The following GATA6 variants were observed in gnomAD, a reference collection of about 807,000 sequenced individuals.
GATA6 encodes transcription factor GATA-6.
In GATA6, 11 loss-of-function variants were observed where a neutral mutation model predicts 48.1. The observed-to-expected ratio is 0.23, with a 90% confidence interval of 0.14 to 0.38. The LOEUF (loss-of-function observed/expected upper bound fraction) is 0.38, where lower values mean the gene tolerates loss of function less well. Among genes scored for constraint, GATA6 ranks in the 10% least tolerant of loss-of-function variants. GATA6 has a pLI of 1.00. For missense variants in GATA6, 795 were observed against 850.3 expected, an observed-to-expected ratio of 0.93 and a Z score of 0.81; for synonymous variants, 419 against 396.1, an observed-to-expected ratio of 1.06 and a Z score of -0.69.
chr18:22,173,630 GTCT>G (rs1218287539), intron 2 of GATA6, among the ~76,000 whole-genome samples: 1 of 152,180 alleles, frequency 6.6e-6, no homozygotes, highest in Non-Finnish European at 1.5e-5. Context: ...AGTTCTTTCT[GTCT>G]TCTTCCAAGC....
rs1027770450 is a variant in GATA6 at position 22,200,778 on chromosome 18, G to A, written c.1743G>A (p.Thr581=). 3.7e-6 allele frequency: 6 copies of A among 1,613,404 alleles called. No individual in the cohort carries two copies. The highest frequency in any genetic ancestry group is 1.3e-5 in the African/African-American group (1 of 74,918). ...GVSLASPAEV[T]SSVRPDSWCA... is the part of the protein sequence containing the mutation. ...GTCTCGCCTCGCCGGCCGAAGTCACGTCCTCCGTGCGACCGGATTCCTGGT... is the reference window on the plus strand; with the variant it reads ...GTCTCGCCTCGCCGGCCGAAGTCACATCCTCCGTGCGACCGGATTCCTGGT... Residue 581 remains threonine, a synonymous_variant, in exon 7 of 7, where the codon ACG becomes ACA. Coordinates refer to ENST00000269216, the MANE Select transcript of GATA6 (RefSeq NM_005257.6).
chr18:22,171,560 T>G lies in GATA6; in HGVS notation c.416T>G (p.Phe139Cys), dbSNP rs1000756323. ...AGCCGCGGCGCCAAGCTGAGCCCCTTCGCACCCGAGCAGCCGGAGGAGATG... is the reference window on the plus strand; with the variant it reads ...AGCCGCGGCGCCAAGCTGAGCCCCTGCGCACCCGAGCAGCCGGAGGAGATG... ...WSSRGAKLSP[F>C]APEQPEEMYQ... Residue 139 changes from phenylalanine (F) to cysteine (C), a missense_variant, in exon 2 of 7, where the codon TTC becomes TGC. Physicochemically the swap from Phe to Cys is radical, Grantham distance 205. Coordinates refer to ENST00000269216, the MANE Select transcript of GATA6 (RefSeq NM_005257.6). The surrounding 1 kb of genome is among the most constrained non-coding windows in gnomAD (Gnocchi z 7.1). The G allele has an allele frequency of 1.2e-6, 2 of 1,603,604 alleles. No homozygotes were observed. The highest frequency in any genetic ancestry group is 1.7e-5 in the Admixed American group (1 of 59,950).
chr18:22,175,877 A>C (rs1471278868), intron 2 of GATA6, among the ~76,000 whole-genome samples: 1 of 152,196 alleles, frequency 6.6e-6, no homozygotes, highest in Admixed American at 6.5e-5. Flanking sequence ...ATAATGCAGA[A>C]CTAGGACATT....
intron 6 of GATA6, among the ~76,000 whole-genome samples, chr18:22,186,989 G>T (rs749588960): frequency 2.6e-5 from 4 of 152,180 alleles, no homozygotes; most frequent in South Asian, 2.1e-4. Flanking sequence ...AGGACTCACG[G>T]TCATACAGCC....
chr18:22,195,353 T>C (rs1031346920), intron 6 of GATA6, among the ~76,000 whole-genome samples: 2 of 152,078 alleles, frequency 1.3e-5, no homozygotes, highest in Non-Finnish European at 2.9e-5. Flanking sequence ...CGACTCTGGT[T>C]CCCTCCTATT....
intron 3 of GATA6, among the ~76,000 whole-genome samples, chr18:22,178,661 G>T (rs2033156825): frequency 1.3e-5 from 2 of 152,168 alleles, no homozygotes; most frequent in African/African-American, 2.4e-5. Flanking sequence ...TAAAGTGGCC[G>T]AGGTTAATTT....
intron 6 of GATA6, among the ~76,000 whole-genome samples, chr18:22,197,568 C>G (rs570618649): frequency 2.6e-5 from 4 of 152,264 alleles, no homozygotes; most frequent in African/African-American, 9.6e-5. Context: ...GCCCTGCCTC[C>G]CATTTTGAAC....
In GATA6 at chr18:22,170,585, C is replaced by T. The variant is rs1252815214; in HGVS notation, c.-37-523C>T. Among the ~76,000 whole-genome samples, 1 of 152,228 alleles carries T rather than the reference C, an allele frequency of 6.6e-6. No individual in the cohort carries two copies. Among genetic ancestry groups the T allele is most frequent in the African/African-American group, 2.4e-5 (1 of 41,464 alleles). Reference sequence around the variant, plus strand: ...AACGCGGCGGTTTCGTTTTCGGGGACAGGTTGCCTTCCTTACGCGAAGGGT... The same window carrying T: ...AACGCGGCGGTTTCGTTTTCGGGGATAGGTTGCCTTCCTTACGCGAAGGGT... On this transcript the variant is annotated intron_variant, in intron 1 of 6. Coordinates refer to ENST00000269216, the MANE Select transcript of GATA6 (RefSeq NM_005257.6). This position sits in a 1 kb window ranked among gnomAD's most constrained non-coding sequence, Gnocchi z 6.7.
In GATA6 at chr18:22,170,194, C is replaced by G. The variant is rs1392820445; in HGVS notation, c.-38+512C>G. Among the ~76,000 whole-genome samples the G allele has an allele frequency of 6.6e-6, 1 of 152,212 alleles. No individual in the cohort carries two copies. Among genetic ancestry groups the G allele is most frequent in the Non-Finnish European group, 1.5e-5 (1 of 68,032 alleles). ...GTCTCACGCTCCCCCCTCCCCAGCC[C>G]GTTGCGTTCCCCCTCCTTTTCTCTG... On this transcript the variant is annotated intron_variant, in intron 1 of 6. Transcript: ENST00000269216. This position sits in a 1 kb window ranked among gnomAD's most constrained non-coding sequence, Gnocchi z 6.7.
intron 6 of GATA6, among the ~76,000 whole-genome samples, chr18:22,191,032 CGT>C (rs57925913): frequency 0.35 from 42,147 of 120,780 alleles, 7,841 homozygotes; most frequent in Non-Finnish European, 0.45. Flanking sequence ...TTTTAAATCT[CGT>C]GTGTGTGTGT....
chr18:22,177,481 A>G (rs2033138125), intron 3 of GATA6, among the ~76,000 whole-genome samples: 1 of 152,244 alleles, frequency 6.6e-6, no homozygotes, highest in South Asian at 2.1e-4. Flanking sequence ...TAATCTATAT[A>G]TCTCTAGGTG....
chr18:22,187,209 G>C (rs555156273), intron 6 of GATA6, among the ~76,000 whole-genome samples: 18 of 152,050 alleles, frequency 1.2e-4, no homozygotes, highest in Non-Finnish European at 1.8e-4. Context: ...GGCTGGGTGC[G>C]GTGGCTCACC....
intron 2 of GATA6, among the ~76,000 whole-genome samples, chr18:22,175,129 T>G (rs2033105034): frequency 6.6e-6 from 1 of 152,156 alleles, no homozygotes; most frequent in Non-Finnish European, 1.5e-5. Context: ...TCTTACAGCT[T>G]TTATAAAGAC....
chr18:22,171,636 C>T lies in GATA6; in HGVS notation c.492C>T (p.Gly164=). ...LSSQGPAAYD[G]APGGFVHSAA... ...GCCAGGGTCCGGCCGCCTACGACGG[C>T]GCGCCCGGCGGCTTCGTGCACTCTG... The change falls in exon 2 of 7, where the codon GGC becomes GGT. Residue 164 remains glycine, a synonymous_variant. Transcript: ENST00000269216. This position sits in a 1 kb window ranked among gnomAD's most constrained non-coding sequence, Gnocchi z 7.1. 2 of 1,591,784 alleles carry T rather than the reference C, an allele frequency of 1.3e-6. No individual in the cohort carries two copies. The highest frequency in any genetic ancestry group is 1.7e-4 in the Middle Eastern group (1 of 5,864).
intron 3 of GATA6, among the ~76,000 whole-genome samples, chr18:22,178,659 C>T (rs541698644): frequency 6.6e-6 from 1 of 152,236 alleles, no homozygotes; most frequent in Admixed American, 6.5e-5. Flanking sequence ...AATAAAGTGG[C>T]CGAGGTTAAT....
chr18:22,200,471 G>T (rs893727574), intron 6 of GATA6, 185 bp from the exon 7 acceptor site: 28 of 739,714 alleles, frequency 3.8e-5, no homozygotes, highest in Non-Finnish European at 6.6e-5. Context: ...TGCAGGGAAA[G>T]GCCCCCACTT....
intron 3 of GATA6, among the ~76,000 whole-genome samples, chr18:22,179,066 G>GA (rs1211442633): frequency 1.1e-4 from 17 of 151,704 alleles, no homozygotes; most frequent in Admixed American, 2.0e-4. Context: ...AACTTAGAAG[G>GA]AAAAAAAAGA....
chr18:22,186,664 G>C (rs1323405368), intron 6 of GATA6, among the ~76,000 whole-genome samples: 1 of 152,174 alleles, frequency 6.6e-6, no homozygotes, highest in Non-Finnish European at 1.5e-5. Flanking sequence ...TTCTGGGAGA[G>C]GGGGCTCCAG....
rs554577705 is a variant in GATA6, at chr18:22,171,340, G to A, written c.196G>A (p.Asp66Asn). The change falls in exon 2 of 7, where the codon GAC (aspartate) becomes AAC (asparagine). Residue 66 changes from aspartate to asparagine, a missense_variant. Coordinates refer to ENST00000269216, the MANE Select transcript of GATA6 (RefSeq NM_005257.6). This position sits in a 1 kb window ranked among gnomAD's most constrained non-coding sequence, Gnocchi z 7.1. The part of the protein sequence containing the change: ...GASNCGTPQL[D>N]TEAAAGPPAR... ...CAGCAACTGCGGGACGCCTCAGCTC[G>A]ACACGGAGGCGGCGGCCGGACCCCC... 8 of 1,587,516 alleles carry A rather than the reference G, an allele frequency of 5.0e-6. No homozygotes were observed. In the Admixed American group the frequency reaches 5.1e-5, roughly 10 times the overall value.
Sources: gnomAD v4.1 joint callset for allele counts (sites outside exome capture counted in the v4.1 genomes callset) on GRCh38, gnomAD v4.1.1 for gene constraint, Gnocchi (gnomAD v3.1) non-coding constraint, MANE v1.5 for transcripts, NCBI Gene and HGNC (gene_info 2026-07-23, HGNC 2026-07-21) for gene names.